Variants in CHCHD6 observed in about 807,000 individuals in gnomAD.
The protein encoded by CHCHD6 is coiled-coil-helix-coiled-coil-helix domain containing 6.
A neutral mutation model predicts 32.3 loss-of-function variants in CHCHD6; 28 were observed. The ratio of observed to expected loss-of-function variants is 0.87; its 90% CI spans 0.64 to 1.19. The LOEUF (loss-of-function observed/expected upper bound fraction) is 1.19. Ranked by LOEUF, CHCHD6 falls within the 50% of genes most tolerant of loss-of-function variation. The pLI, the probability that CHCHD6 is intolerant of heterozygous loss-of-function variation, is 0.00. For synonymous variants in CHCHD6, 122 were observed against 117.5 expected, an observed-to-expected ratio of 1.04 and a Z score of -0.25; for missense variants, 333 against 307.0, an observed-to-expected ratio of 1.08 and a Z score of -0.63.
chr3:126,947,640 A>G (rs1288721454), intron 6 of CHCHD6, among the ~76,000 whole-genome samples: 2 of 152,178 alleles, frequency 1.3e-5, no homozygotes, highest in African/African-American at 4.8e-5. Flanking sequence ...CCCAGCTCAC[A>G]GGGTTGTTGT....
At chr3:126,923,055 T>A (rs1436415633) in intron 6 of CHCHD6, among the ~76,000 whole-genome samples, 1 of 152,204 alleles carries the variant, frequency 6.6e-6, no homozygotes, top group Non-Finnish European at 1.5e-5. Flanking sequence ...GGGACCCCAG[T>A]GGTCTGCTGA....
chr3:126,869,353 G>T (rs2077435374), intron 5 of CHCHD6, among the ~76,000 whole-genome samples: 1 of 137,660 alleles, frequency 7.3e-6, no homozygotes. Context: ...CATTTCCTGT[G>T]GATGGACATT....
At chr3:126,858,910 A>G (rs1421453436) in intron 5 of CHCHD6, among the ~76,000 whole-genome samples, 1 of 152,174 alleles carries the variant, frequency 6.6e-6, no homozygotes, top group Non-Finnish European at 1.5e-5. Flanking sequence ...GGAGTGCCCC[A>G]TAGGCACCGC....
chr3:126,721,059 C>A (rs755885967), intron 1 of CHCHD6, among the ~76,000 whole-genome samples: 1 of 152,178 alleles, frequency 6.6e-6, no homozygotes, highest in Non-Finnish European at 1.5e-5. Context: ...GCAAATTATT[C>A]CACGAACTTG....
chr3:126,837,691 A>G (rs1250983143), intron 4 of CHCHD6, among the ~76,000 whole-genome samples: 1 of 152,192 alleles, frequency 6.6e-6, no homozygotes, highest in Non-Finnish European at 1.5e-5. Flanking sequence ...TTATAGATTC[A>G]TGCCTGGTTG....
chr3:126,944,232 G>A (rs1159378193), intron 6 of CHCHD6, among the ~76,000 whole-genome samples: 1 of 152,234 alleles, frequency 6.6e-6, no homozygotes, highest in Non-Finnish European at 1.5e-5. Context: ...GTTCAGCCAG[G>A]GGCTGGGCAC....
intron 4 of CHCHD6, among the ~76,000 whole-genome samples, chr3:126,752,113 C>T (rs1013932045): frequency 2.6e-5 from 4 of 152,180 alleles, no homozygotes; most frequent in African/African-American, 7.2e-5. Context: ...TCCTGTCCCA[C>T]GCATATCCTG....
At chr3:126,823,906 C>A (rs968836347) in intron 4 of CHCHD6, among the ~76,000 whole-genome samples, 2 of 149,636 alleles carry the variant, frequency 1.3e-5, no homozygotes, top group African/African-American at 4.9e-5. Context: ...AAAACAAAAA[C>A]ACACACACAC....
At chr3:126,894,223 A>G (rs2077805174) in intron 5 of CHCHD6, among the ~76,000 whole-genome samples, 1 of 152,198 alleles carries the variant, frequency 6.6e-6, no homozygotes, top group Non-Finnish European at 1.5e-5. Context: ...GGCACTGCGC[A>G]GTGAAGGCTC....
intron 1 of CHCHD6, among the ~76,000 whole-genome samples, chr3:126,716,321 C>T (rs560928591): frequency 9.8e-4 from 149 of 152,184 alleles, no homozygotes; most frequent in Non-Finnish European, 1.5e-3. Flanking sequence ...CTCTCTGGAA[C>T]GCCACCTTCT....
At chr3:126,896,840 T>TG (rs1397364082) in intron 5 of CHCHD6, among the ~76,000 whole-genome samples, 1 of 152,038 alleles carries the variant, frequency 6.6e-6, no homozygotes, top group Non-Finnish European at 1.5e-5. Context: ...AGAGGAGACA[T>TG]GGGGGCTGGA....
intron 4 of CHCHD6, among the ~76,000 whole-genome samples, chr3:126,797,559 A>G (rs1938853996): frequency 6.6e-6 from 1 of 152,230 alleles, no homozygotes; most frequent in African/African-American, 2.4e-5. Flanking sequence ...AACATTCTTA[A>G]TGCCTATCTT....
At chr3:126,865,522 TCCTCCATAA>T in intron 5 of CHCHD6, 1 of 974,168 alleles carries the variant, frequency 1.0e-6, no homozygotes, top group Non-Finnish European at 1.2e-6. Flanking sequence ...ATCTCCACCA[TCCTCCATAA>T]CCTCCTCCTC....
In CHCHD6 at chr3:126,747,754, T is replaced by C. The variant is rs192993873; in HGVS notation, c.411+14532T>C. Among the ~76,000 whole-genome samples, 886 of 152,262 alleles carry C rather than the reference T, an allele frequency of 5.8e-3. 8 individuals carry two copies. The highest frequency in any genetic ancestry group is 0.02 in the African/African-American group (833 of 41,552). On this transcript the variant is annotated intron_variant, in intron 4 of 7. Coordinates refer to ENST00000290913, the MANE Select transcript of CHCHD6 (RefSeq NM_032343.3). ...TGACAGCTAGATATATCCAGCACCC[T>C]CCTTCCCTTCATTTCCAGAGACTTC... is the stretch of plus-strand genomic sequence containing the variant.
chr3:126,902,771 C>T (rs1369868721), intron 5 of CHCHD6, among the ~76,000 whole-genome samples: 1 of 151,888 alleles, frequency 6.6e-6, no homozygotes, highest in African/African-American at 2.4e-5. Context: ...CCCTAGAGGC[C>T]TCCCTTCTGC....
intron 4 of CHCHD6, among the ~76,000 whole-genome samples, chr3:126,743,387 A>G (rs183852070): frequency 4.7e-4 from 71 of 152,150 alleles, no homozygotes; most frequent in Non-Finnish European, 8.2e-4. Context: ...TTCTCTGGCT[A>G]TGGTGCCTGG....
In CHCHD6 at chr3:126,788,828, C is replaced by A. The variant is rs140284864; in HGVS notation, c.411+55606C>A. On this transcript the variant is annotated intron_variant, in intron 4 of 7. Transcript: ENST00000290913. ...TTTTGTGTCTCTATCTCCTTCAGTT[C>A]TGCTCTGATCTTAGTTATTTCTTGC... 6.1e-3 allele frequency among the ~76,000 whole-genome samples: 932 copies of A among 152,230 alleles called. 11 individuals are homozygous for A. The highest frequency in any genetic ancestry group is 0.021 in the African/African-American group (891 of 41,504).
chr3:126,747,821 C>T (rs1936565268), intron 4 of CHCHD6, among the ~76,000 whole-genome samples: 1 of 152,196 alleles, frequency 6.6e-6, no homozygotes, highest in African/African-American at 2.4e-5. Flanking sequence ...GGGTGAACCC[C>T]ACCAACTGCT....
intron 6 of CHCHD6, 159 bp from the exon 7 acceptor site, chr3:126,957,257 G>C (rs947546270): frequency 3.7e-6 from 3 of 801,082 alleles, no homozygotes; most frequent in Admixed American, 2.4e-5. Flanking sequence ...TTTCTAGAAC[G>C]GGAAAGCACA....
Sources: gnomAD v4.1 joint callset for allele counts (sites outside exome capture counted in the v4.1 genomes callset) on GRCh38, gnomAD v4.1.1 for gene constraint, MANE v1.5 for transcripts, NCBI Gene and HGNC (gene_info 2026-07-23, HGNC 2026-07-21) for gene names.